The following AGBL1 variants were observed in gnomAD, a reference collection of about 807,000 sequenced individuals.
AGBL1 encodes cytosolic carboxypeptidase 4.
Under a neutral mutation model 118.9 loss-of-function variants are expected in AGBL1, and 130 were observed. The observed-to-expected ratio is 1.09, with a 90% confidence interval of 0.95 to 1.26. The LOEUF is 1.26. AGBL1 is among the 50% of genes most tolerant of loss of function. AGBL1 has a pLI of 0.00. For synonymous variants in AGBL1, 555 were observed against 478.9 expected, an observed-to-expected ratio of 1.16 and a Z score of -2.08; for missense variants, 1,584 against 1,298.1, an observed-to-expected ratio of 1.22 and a Z score of -3.38.
chr15:86,876,370 G>C (rs146474709), intron 22 of AGBL1, among the ~76,000 whole-genome samples: 3 of 152,080 alleles, frequency 2.0e-5, no homozygotes, highest in Non-Finnish European at 2.9e-5. Flanking sequence ...AAGCTGCACC[G>C]ATGGAGGGCA....
intron 22 of AGBL1, among the ~76,000 whole-genome samples, chr15:86,692,673 C>T (rs144436671): frequency 5.9e-5 from 9 of 152,188 alleles, no homozygotes; most frequent in Non-Finnish European, 1.0e-4. Flanking sequence ...GTAAGTTCTT[C>T]AGTGGTGATT....
chr15:86,343,894 T>G (rs1240370391), intron 17 of AGBL1, among the ~76,000 whole-genome samples: 1 of 152,222 alleles, frequency 6.6e-6, no homozygotes, highest in Non-Finnish European at 1.5e-5. Context: ...TGAAGGCCTC[T>G]GAGCTGCCTT....
At chr15:86,780,547 G>A (rs74025472) in intron 22 of AGBL1, among the ~76,000 whole-genome samples, 9,315 of 152,084 alleles carry the variant, frequency 0.061, 526 homozygotes, top group Admixed American at 0.17. Context: ...TATTGGAATC[G>A]CATTGAGTCA....
At chr15:86,458,039 C>T (rs377158325) in intron 18 of AGBL1, among the ~76,000 whole-genome samples, 9 of 149,202 alleles carry the variant, frequency 6.0e-5, no homozygotes, top group African/African-American at 2.3e-4. Context: ...TCCTACTTTC[C>T]TTTTTGGAAG....
intron 18 of AGBL1, among the ~76,000 whole-genome samples, chr15:86,465,933 C>T (rs549830927): frequency 6.6e-6 from 1 of 152,140 alleles, no homozygotes; most frequent in African/African-American, 2.4e-5. Flanking sequence ...TATTTGTACA[C>T]CCCTCCCCTT....
At chr15:86,467,434 A>G (rs1265705516) in intron 18 of AGBL1, among the ~76,000 whole-genome samples, 1 of 152,204 alleles carries the variant, frequency 6.6e-6, no homozygotes, top group Non-Finnish European at 1.5e-5. Flanking sequence ...CTCCTGAGCA[A>G]GACCATTTGG....
At chr15:86,627,288 C>A (rs1434861443) in intron 21 of AGBL1, among the ~76,000 whole-genome samples, 2 of 152,220 alleles carry the variant, frequency 1.3e-5, no homozygotes, top group African/African-American at 4.8e-5. Context: ...GTGTGAGCCA[C>A]TGTGCCCTGC....
chr15:86,454,975 GC>G (rs2082242056), intron 18 of AGBL1, among the ~76,000 whole-genome samples: 1 of 152,126 alleles, frequency 6.6e-6, no homozygotes, highest in East Asian at 1.9e-4. Context: ...CAGTGGTCAA[GC>G]CGTCTGTCTA....
At chr15:86,193,171 C>T (rs1297122483) in intron 5 of AGBL1, among the ~76,000 whole-genome samples, 2 of 152,078 alleles carry the variant, frequency 1.3e-5, no homozygotes, top group African/African-American at 4.8e-5. Context: ...GGAACAGTTT[C>T]CTTGGTTCTG....
rs539279764 is a variant in AGBL1, at chr15:86,727,413, AT to A, written c.3158+52985del. Among the ~76,000 whole-genome samples, 10 of 152,122 alleles carry A rather than the reference AT, an allele frequency of 6.6e-5. No individual in the cohort carries two copies. In the East Asian group the frequency reaches 1.4e-3, roughly 21 times the overall value. ...GTGCCTTGGGAAAGAGATATCATTA[AT>A]TTTTTTTAAATTTTAGTTTGATTCC... is the stretch of plus-strand genomic sequence containing the variant. On this transcript the variant is annotated intron_variant, in intron 22 of 22. Coordinates refer to ENST00000614907, the MANE Select transcript of AGBL1 (RefSeq NM_001386094.1).
intron 22 of AGBL1, among the ~76,000 whole-genome samples, chr15:86,859,472 C>G (rs1452618303): frequency 6.6e-6 from 1 of 152,162 alleles, no homozygotes; most frequent in Non-Finnish European, 1.5e-5. Flanking sequence ...TGGCCTTTAA[C>G]CCTCTTCCCC....
chr15:86,515,770 G>T (rs1046730883), intron 18 of AGBL1, among the ~76,000 whole-genome samples: 1 of 152,164 alleles, frequency 6.6e-6, no homozygotes, highest in Non-Finnish European at 1.5e-5. Flanking sequence ...ACAAACAGTT[G>T]TTGGTCTTGT....
chr15:86,554,835 T>A (rs2083710510), intron 21 of AGBL1, among the ~76,000 whole-genome samples: 2 of 152,186 alleles, frequency 1.3e-5, no homozygotes, highest in African/African-American at 4.8e-5. Flanking sequence ...AACCTCTGCT[T>A]GCCTGGCTCT....
intron 23 of AGBL1, among the ~76,000 whole-genome samples, chr15:86,971,367 G>A (rs1567266188): frequency 2.0e-5 from 3 of 151,940 alleles, no homozygotes; most frequent in South Asian, 2.1e-4. Context: ...CATCTACTAC[G>A]TGTTTCCTTA....
chr15:86,821,050 A>G (rs1213745930), intron 22 of AGBL1, among the ~76,000 whole-genome samples: 1 of 152,144 alleles, frequency 6.6e-6, no homozygotes, highest in African/African-American at 2.4e-5. Context: ...GAAGCTTGAA[A>G]TCTTCGTTCT....
intron 21 of AGBL1, among the ~76,000 whole-genome samples, chr15:86,625,540 T>C (rs1282278071): frequency 1.3e-5 from 2 of 151,916 alleles, no homozygotes; most frequent in African/African-American, 4.8e-5. Context: ...CACAAATGTT[T>C]TGTGACTCCT....
intron 22 of AGBL1, among the ~76,000 whole-genome samples, chr15:86,812,095 G>A (rs1450258123): frequency 1.3e-5 from 2 of 152,326 alleles, no homozygotes; most frequent in East Asian, 3.9e-4. Context: ...TAGTGACAGA[G>A]CCAAGACAAA....
At position 86,444,503 on chromosome 15, in the gene AGBL1, G is replaced by T. The variant is rs11857000; in HGVS notation, c.2555+46957G>T. 3.4e-4 allele frequency among the ~76,000 whole-genome samples: 51 copies of T among 152,086 alleles called. 1 individual carries two copies. The South Asian group carries it at 8.5e-3, about 25-fold the overall frequency. On this transcript the variant is annotated intron_variant, in intron 18 of 22. Coordinates refer to ENST00000614907, the MANE Select transcript of AGBL1 (RefSeq NM_001386094.1). ...AGCTTGCCCAAAGGGTTCACTACAG[G>T]GTAGTGTGAGCCTAGGGCCAAAAGC...
intron 2 of AGBL1, among the ~76,000 whole-genome samples, chr15:86,142,529 C>T (rs969575489): frequency 6.6e-6 from 1 of 152,196 alleles, no homozygotes; most frequent in African/African-American, 2.4e-5. Flanking sequence ...TCTATTCGCT[C>T]AAGTTCTTAC....
Sources: gnomAD v4.1 joint callset for allele counts (sites outside exome capture counted in the v4.1 genomes callset) on GRCh38, gnomAD v4.1.1 for gene constraint, MANE v1.5 for transcripts, NCBI Gene and HGNC (gene_info 2026-07-23, HGNC 2026-07-21) for gene names.